MAGED1: variants seen among roughly 807,000 people sequenced by gnomAD.
MAGED1 encodes the protein melanoma-associated antigen D1.
A neutral mutation model predicts 54.1 loss-of-function variants in MAGED1; 3 were observed. That is an observed-to-expected ratio of 0.06 (90% CI 0.03 to 0.14). The LOEUF (loss-of-function observed/expected upper bound fraction) is 0.14. Ranked by LOEUF, MAGED1 falls within the 10% of genes least tolerant of loss-of-function variation. MAGED1 has a pLI of 1.00. For synonymous variants in MAGED1, 217 were observed against 227.3 expected (o/e 0.95, Z 0.41); for missense variants, 485 against 623.4 (o/e 0.78, Z 2.36).
Position 51,897,905 on chromosome X carries a change from T to C in MAGED1, c.1658+19T>C. On this transcript the variant is annotated intron_variant, in intron 7 of 12. Coordinates refer to ENST00000326587, the MANE Select transcript of MAGED1 (RefSeq NM_006986.4). ...TGGGAACGTAAGATGGGAAAGAAGG[T>C]GGAACATGGCCTTTCTCAGTGGTGC... 1 of 1,134,660 alleles carries C rather than the reference T, an allele frequency of 8.8e-7. No individual in the cohort carries two copies. Among genetic ancestry groups the C allele is most frequent in the Non-Finnish European group, 1.2e-6 (1 of 828,733 alleles). 93.5% of individuals were successfully genotyped at this position (1,134,660 alleles called of 1,213,427 possible). A position where few individuals can be genotyped will look rare whatever the true frequency, so the allele number is the denominator to read the frequency against.
At position 51,841,818 on chromosome X, in the gene MAGED1, G is replaced by T. The variant is rs1332578587; in HGVS notation, c.-37+38701G>T. ...ATATCTCTGTTTTGGTACCAGTACC[G>T]TGCTGTTTTGGTTACTGTAGCCTTG... On this transcript the variant is annotated intron_variant, in intron 1 of 12. Transcript: ENST00000375772. Among the ~76,000 whole-genome samples the T allele has an allele frequency of 2.7e-5, 3 of 111,646 alleles. No homozygotes were observed. The Admixed American group carries it at 2.9e-4, about 11-fold the overall frequency.
intron 1 of MAGED1, among the ~76,000 whole-genome samples, chrX:51,850,490 A>T (rs781887562): frequency 6.2e-5 from 7 of 112,086 alleles, no homozygotes; most frequent in Non-Finnish European, 1.3e-4. Flanking sequence ...ACGGGTACAG[A>T]GAGAAAAACA....
At chrX:51,889,003 G>A (rs1928338171), upstream of MAGED1, among the ~76,000 whole-genome samples, 1 of 111,563 alleles carries the variant, frequency 9.0e-6, no homozygotes, top group African/African-American at 3.3e-5. Context: ...ACTATAATGG[G>A]GTAGTAAGAG....
At chrX:51,872,957 A>T (rs782175893) in intron 1 of MAGED1, among the ~76,000 whole-genome samples, 2 of 111,538 alleles carry the variant, frequency 1.8e-5, no homozygotes, top group East Asian at 2.8e-4. Flanking sequence ...CTCTGGACCA[A>T]TCTGCCTCTG....
chrX:51,806,873 C>T (rs781783121), intron 1 of MAGED1, among the ~76,000 whole-genome samples: 7 of 109,950 alleles, frequency 6.4e-5, no homozygotes, highest in Non-Finnish European at 1.1e-4. Context: ...CTGCAACCTT[C>T]GCCTCCCGGG....
intron 1 of MAGED1, among the ~76,000 whole-genome samples, chrX:51,839,107 G>A (rs1284968198): frequency 4.5e-5 from 5 of 111,477 alleles, no homozygotes; most frequent in Non-Finnish European, 7.5e-5. Flanking sequence ...TTTATGTGAA[G>A]GTTTCTTATG....
intron 1 of MAGED1, among the ~76,000 whole-genome samples, chrX:51,815,688 A>C (rs957872191): frequency 1.8e-5 from 2 of 109,025 alleles, no homozygotes; most frequent in Non-Finnish European, 3.8e-5. Flanking sequence ...TGCCCGGCTA[A>C]TTTTGTATTT....
chrX:51,870,939 A>G (rs1182681538), intron 1 of MAGED1: 1 of 112,802 alleles, frequency 8.9e-6, no homozygotes, highest in Non-Finnish European at 1.9e-5. Flanking sequence ...ATAAAACATG[A>G]TCATGATAAG....
At position 51,895,320 on chromosome X, in the gene MAGED1, A is replaced by G. The variant is rs782524377; in HGVS notation, c.313A>G (p.Asn105Asp). ...GGCTCATAATGCCAAGGATGTGCCC[A>G]ACACGCAGCCCAAGGCAGCCTTTAA... is the stretch of plus-strand genomic sequence containing the variant. ...SQAHNAKDVP[N>D]TQPKAAFKSQ... Residue 105 changes from asparagine to aspartate, a missense_variant, in exon 3 of 13, where the codon AAC (asparagine) becomes GAC (aspartate). Physicochemically the swap from Asn to Asp is conservative, Grantham distance 23 (BLOSUM62 1). Transcript: ENST00000326587. 8.3e-7 allele frequency: 1 copy of G among 1,211,055 alleles called. No individual in the cohort carries two copies. The highest frequency in any genetic ancestry group is 1.1e-6 in the Non-Finnish European group (1 of 895,121).
chrX:51,869,249 T>G (rs1469613098), intron 1 of MAGED1, among the ~76,000 whole-genome samples: 1 of 110,939 alleles, frequency 9.0e-6, no homozygotes, highest in Non-Finnish European at 1.9e-5. Context: ...GGGGATGGTG[T>G]GTATGATAAT....
At chrX:51,824,736 G>A (rs1409449752) in intron 1 of MAGED1, among the ~76,000 whole-genome samples, 1 of 91,073 alleles carries the variant, frequency 1.1e-5, no homozygotes, top group East Asian at 3.3e-4. Flanking sequence ...GTGTGTGTCT[G>A]TATATATATA....
intron 1 of MAGED1, among the ~76,000 whole-genome samples, chrX:51,852,687 A>C (rs1926941656): frequency 8.9e-6 from 1 of 111,815 alleles, no homozygotes; most frequent in Admixed American, 9.5e-5. Flanking sequence ...TTAAATTCAG[A>C]TTATTTGAAA....
chrX:51,851,137 A>T (rs888050444), intron 1 of MAGED1, among the ~76,000 whole-genome samples: 2 of 111,715 alleles, frequency 1.8e-5, no homozygotes, highest in African/African-American at 3.3e-5. Flanking sequence ...CTCTTTGTGG[A>T]TGGACCTTAG....
At chrX:51,862,146 T>G (rs1189797118) in intron 1 of MAGED1, among the ~76,000 whole-genome samples, 1 of 111,657 alleles carries the variant, frequency 9.0e-6, no homozygotes, top group Non-Finnish European at 1.9e-5. Flanking sequence ...CATGATGATG[T>G]GTGGATATTT....
At chrX:51,884,257 A>C (rs189531148) in intron 1 of MAGED1, among the ~76,000 whole-genome samples, 12 of 111,263 alleles carry the variant, frequency 1.1e-4, no homozygotes, top group African/African-American at 3.9e-4. Context: ...CTTGAAACCC[A>C]CCAGAGCAAA....
At chrX:51,805,793 A>ATCCATCCG (rs1240562388) in intron 1 of MAGED1, among the ~76,000 whole-genome samples, 3 of 108,351 alleles carry the variant, frequency 2.8e-5, no homozygotes, top group African/African-American at 1.0e-4. Context: ...CCATCCATCC[A>ATCCATCCG]TCCATCCGTC....
chrX:51,865,602 A>G (rs1927434652), intron 1 of MAGED1, among the ~76,000 whole-genome samples: 1 of 111,462 alleles, frequency 9.0e-6, no homozygotes, highest in Admixed American at 9.5e-5. Context: ...CTTGTATCTC[A>G]TTGTATCTAT....
intron 1 of MAGED1, among the ~76,000 whole-genome samples, chrX:51,833,573 A>G (rs1037173551): frequency 3.6e-5 from 4 of 112,005 alleles, no homozygotes; most frequent in Admixed American, 1.9e-4. Flanking sequence ...TTGTTTTATT[A>G]CATTTCATTT....
chrX:51,882,499 G>C (rs1404767668), intron 1 of MAGED1, among the ~76,000 whole-genome samples: 1 of 108,334 alleles, frequency 9.2e-6, no homozygotes, highest in Admixed American at 9.8e-5. Context: ...AGGGAACTTG[G>C]AACCAAGGAA....
Sources: gnomAD v4.1 joint callset for allele counts (sites outside exome capture counted in the v4.1 genomes callset) on GRCh38, gnomAD v4.1.1 for gene constraint, MANE v1.5 for transcripts, NCBI Gene and HGNC (gene_info 2026-07-23, HGNC 2026-07-21) for gene names.